ATP8A1: variants seen among roughly 807,000 people sequenced by gnomAD.
The protein encoded by ATP8A1 is phospholipid-transporting ATPase IA.
Under a neutral mutation model 177.7 loss-of-function variants are expected in ATP8A1, and 90 were observed. The ratio of observed to expected loss-of-function variants is 0.51; its 90% CI spans 0.43 to 0.60. The LOEUF (loss-of-function observed/expected upper bound fraction) is 0.60, where lower values mean the gene tolerates loss of function less well. Among genes scored for constraint, ATP8A1 ranks in the 20% least tolerant of loss-of-function variants. ATP8A1 has a pLI of 0.00. For synonymous variants in ATP8A1, 493 were observed against 485.9 expected (o/e 1.01, Z -0.19); for missense variants, 1,072 against 1,392.8 (o/e 0.77, Z 3.67).
intron 24 of ATP8A1, among the ~76,000 whole-genome samples, chr4:42,492,813 T>A (rs1029798795): frequency 6.6e-6 from 1 of 152,252 alleles, no homozygotes; most frequent in Non-Finnish European, 1.5e-5. Flanking sequence ...TTGGAAGATA[T>A]ACAACTTTCA....
intron 20 of ATP8A1, among the ~76,000 whole-genome samples, chr4:42,539,055 T>G (rs1186830493): frequency 6.6e-6 from 1 of 152,128 alleles, no homozygotes; most frequent in Admixed American, 6.6e-5. Flanking sequence ...TATCTGTATA[T>G]ACCACGGAAT....
At chr4:42,621,995 C>T (rs894869888) in intron 4 of ATP8A1, among the ~76,000 whole-genome samples, 28 of 152,178 alleles carry the variant, frequency 1.8e-4, no homozygotes, top group African/African-American at 6.0e-4. Flanking sequence ...AGTCCCTATT[C>T]GATAAATAAT....
chr4:42,611,694 T>G (rs1356913637), intron 5 of ATP8A1, among the ~76,000 whole-genome samples: 3 of 152,232 alleles, frequency 2.0e-5, no homozygotes, highest in Non-Finnish European at 4.4e-5. Flanking sequence ...ATCATGGCAT[T>G]TCATAAAAAA....
intron 6 of ATP8A1, among the ~76,000 whole-genome samples, chr4:42,600,121 T>C (rs1735094134): frequency 7.6e-6 from 1 of 131,054 alleles, no homozygotes; most frequent in African/African-American, 2.8e-5. Context: ...AAGTAAAATA[T>C]GCAGAAGTAA....
chr4:42,654,530 A>G (rs1016483596), intron 1 of ATP8A1, among the ~76,000 whole-genome samples: 1 of 151,788 alleles, frequency 6.6e-6, no homozygotes. Flanking sequence ...CATCCATTCC[A>G]TTTTCTTTGC....
chr4:42,511,343 A>T (rs1724986426), intron 22 of ATP8A1, among the ~76,000 whole-genome samples: 1 of 152,206 alleles, frequency 6.6e-6, no homozygotes, highest in Admixed American at 6.5e-5. Flanking sequence ...GTATTACCTT[A>T]CACAGATGGC....
intron 20 of ATP8A1, among the ~76,000 whole-genome samples, chr4:42,536,660 C>G (rs569587085): frequency 7.2e-5 from 11 of 152,240 alleles, no homozygotes; most frequent in African/African-American, 2.4e-4. Flanking sequence ...AACTACAGAC[C>G]GATATCCCTG....
intron 36 of ATP8A1, among the ~76,000 whole-genome samples, chr4:42,414,396 T>C (rs1432588462): frequency 6.6e-6 from 1 of 152,248 alleles, no homozygotes; most frequent in Non-Finnish European, 1.5e-5. Context: ...AATGTGGAAA[T>C]ACTGTTTTTC....
intron 12 of ATP8A1, among the ~76,000 whole-genome samples, chr4:42,576,335 G>A (rs1479057695): frequency 6.6e-6 from 1 of 151,708 alleles, no homozygotes; most frequent in Admixed American, 6.6e-5. Context: ...AATCAGCCGG[G>A]AGTGGTGGCA....
chr4:42,447,591 A>C (rs1717421027), intron 30 of ATP8A1, among the ~76,000 whole-genome samples: 1 of 152,192 alleles, frequency 6.6e-6, no homozygotes, highest in African/African-American at 2.4e-5. Flanking sequence ...TAAATCATTG[A>C]TACCATTGAA....
At chr4:42,646,820 AAAAC>A (rs1740585519) in intron 1 of ATP8A1, among the ~76,000 whole-genome samples, 1 of 152,226 alleles carries the variant, frequency 6.6e-6, no homozygotes, top group Non-Finnish European at 1.5e-5. Flanking sequence ...GGCTCAATTT[AAAAC>A]AGACACCTCT....
At chr4:42,506,904 C>A in intron 23 of ATP8A1, 112 bp downstream of exon 23, 1 of 1,277,546 alleles carries the variant, frequency 7.8e-7, no homozygotes, top group South Asian at 1.5e-5. Flanking sequence ...TGGAATATTC[C>A]AATCTTGACA....
At chr4:42,627,225 T>C in intron 1 of ATP8A1, 116 bp from the exon 2 acceptor site, 1 of 675,998 alleles carries the variant, frequency 1.5e-6, no homozygotes, top group East Asian at 2.8e-5. Context: ...TCCCCTTAAC[T>C]GTTGTTTCTT....
At chr4:42,622,775 C>T (rs1354646310) in intron 4 of ATP8A1, among the ~76,000 whole-genome samples, 4 of 152,132 alleles carry the variant, frequency 2.6e-5, no homozygotes, top group East Asian at 3.9e-4. Flanking sequence ...TTTGGGAGGA[C>T]GTGGCAGGTG....
intron 1 of ATP8A1, among the ~76,000 whole-genome samples, chr4:42,654,856 T>C (rs193124995): frequency 2.0e-5 from 3 of 152,150 alleles, no homozygotes; most frequent in Admixed American, 6.6e-5. Flanking sequence ...GCAGGGCCTC[T>C]CTCAAAGGAG....
intron 24 of ATP8A1, among the ~76,000 whole-genome samples, chr4:42,499,569 C>G (rs1723610691): frequency 6.6e-6 from 1 of 152,210 alleles, no homozygotes; most frequent in Admixed American, 6.5e-5. Context: ...CCCACCCACT[C>G]TAGATTTAGA....
At chr4:42,585,807 CAA>C (rs934599413) in intron 9 of ATP8A1, among the ~76,000 whole-genome samples, 7 of 151,900 alleles carry the variant, frequency 4.6e-5, no homozygotes, top group Admixed American at 4.6e-4. Context: ...AGAGAAGAAA[CAA>C]GAGAGGCAGG....
chr4:42,571,912 G>A (rs193300600), intron 14 of ATP8A1, among the ~76,000 whole-genome samples: 2 of 152,274 alleles, frequency 1.3e-5, no homozygotes, highest in African/African-American at 4.8e-5. Flanking sequence ...AAATTCTGAT[G>A]CACGGTTTTA....
At chr4:42,556,133 T>A in intron 15 of ATP8A1, 93 bp from the exon 16 acceptor site, 1 of 746,716 alleles carries the variant, frequency 1.3e-6, no homozygotes, top group Non-Finnish European at 2.1e-6. Flanking sequence ...GTGTTATGTC[T>A]CCAAACCCTC....
Sources: gnomAD v4.1 joint callset for allele counts (sites outside exome capture counted in the v4.1 genomes callset) on GRCh38, gnomAD v4.1.1 for gene constraint, MANE v1.5 for transcripts, NCBI Gene and HGNC (gene_info 2026-07-23, HGNC 2026-07-21) for gene names.